Variants in IGHMBP2 observed in about 807,000 individuals in gnomAD.
The protein encoded by IGHMBP2 is DNA-binding protein SMUBP-2.
Under a neutral mutation model 96.0 loss-of-function variants are expected in IGHMBP2, and 81 were observed. The ratio of observed to expected loss-of-function variants is 0.84; its 90% confidence interval spans 0.71 to 1.01. The LOEUF (loss-of-function observed/expected upper bound fraction) is 1.01. IGHMBP2 is among the 50% of genes least tolerant of loss of function. The pLI is 0.00. For missense variants in IGHMBP2, 1,227 were observed against 1,306.3 expected (o/e 0.94, Z 0.94); for synonymous variants, 557 against 548.9 (o/e 1.01, Z -0.21).
chr11:68,906,244 TG>T lies in IGHMBP2; in HGVS notation c.256+7del, dbSNP rs1381688078. On this transcript the variant is annotated splice_region_variant and intron_variant, in intron 2 of 14. Coordinates refer to ENST00000255078, the MANE Select transcript of IGHMBP2 (RefSeq NM_002180.3). ...CAGTAACAGCTTTACTTCTGGTGTG[TG>T]CGTATTGACCTAGACAGACATTGAA... The T allele has an allele frequency of 6.2e-7, 1 of 1,613,826 alleles. No individual in the cohort carries two copies. The highest frequency in any genetic ancestry group is 2.2e-5 in the East Asian group (1 of 44,900).
chr11:68,915,639 C>T (rs1292096753), intron 6 of IGHMBP2, among the ~76,000 whole-genome samples: 1 of 151,818 alleles, frequency 6.6e-6, no homozygotes, highest in Non-Finnish European at 1.5e-5. Context: ...TGTGCCACCA[C>T]ACCCAACCAA....
At chr11:68,920,947 A>G (rs1368123975) in intron 7 of IGHMBP2, among the ~76,000 whole-genome samples, 2 of 151,980 alleles carry the variant, frequency 1.3e-5, no homozygotes, top group Non-Finnish European at 2.9e-5. Flanking sequence ...ACACCTGGCT[A>G]ATTTTAAAAA....
chr11:68,934,820 C>A (rs1483593787), intron 11 of IGHMBP2, among the ~76,000 whole-genome samples: 2 of 152,254 alleles, frequency 1.3e-5, no homozygotes, highest in African/African-American at 4.8e-5. Context: ...TGCTGGGTGA[C>A]CCCGGCAGCC....
At chr11:68,911,708 C>G in intron 5 of IGHMBP2, 105 bp downstream of exon 5, 1 of 1,039,156 alleles carries the variant, frequency 9.6e-7, no homozygotes, top group Non-Finnish European at 1.5e-6. Context: ...TGGGATGGGT[C>G]AGGAACATTA....
chr11:68,904,102 C>A, intron 1 of IGHMBP2, 64 bp downstream of exon 1: 1 of 1,315,816 alleles, frequency 7.6e-7, no homozygotes, highest in Non-Finnish European at 1.1e-6. Context: ...GCAGAGTCTC[C>A]GAGGGGCTCG....
rs61450832 is a variant in IGHMBP2, at chr11:68,909,196, G to A, written c.547+565G>A. Among the ~76,000 whole-genome samples the A allele has an allele frequency of 5.4e-4, 57 of 105,246 alleles. 1 individual carries two copies. The highest frequency in any genetic ancestry group is 1.4e-3 in the African/African-American group (43 of 29,700). 69.0% of individuals were successfully genotyped at this position (105,246 alleles called of 152,430 possible). On this transcript the variant is annotated intron_variant, in intron 4 of 14. Coordinates refer to ENST00000255078, the MANE Select transcript of IGHMBP2 (RefSeq NM_002180.3). ...TTTGGCGGGGGGGGTGGAGGGGGGG[G>A]GCGGATGGAGTCTCGCTCTGTCACC...
intron 7 of IGHMBP2, among the ~76,000 whole-genome samples, chr11:68,923,697 A>C (rs181085535): frequency 6.6e-6 from 1 of 151,978 alleles, no homozygotes; most frequent in Non-Finnish European, 1.5e-5. Flanking sequence ...TTTGAGTTTG[A>C]CTGGTGGGAT....
chr11:68,920,542 G>T (rs538532031), intron 7 of IGHMBP2, among the ~76,000 whole-genome samples: 1 of 152,360 alleles, frequency 6.6e-6, no homozygotes, highest in South Asian at 2.1e-4. Context: ...AGTTGCAGTG[G>T]TGCAATCATG....
chr11:68,917,918 C>T (rs374155757), intron 7 of IGHMBP2, 35 bp downstream of exon 7: 35 of 1,608,644 alleles, frequency 2.2e-5, no homozygotes, highest in African/African-American at 1.5e-4. Flanking sequence ...TGTGTGGCCT[C>T]GAAGAAGGAG....
At position 68,937,875 on chromosome 11, in the gene IGHMBP2, C is replaced by A. The variant is rs528342637; in HGVS notation, c.2612-307C>A. The A allele has an allele frequency of 1.7e-5, 7 of 413,630 alleles. No individual in the cohort carries two copies. In the East Asian group the frequency reaches 3.5e-4, roughly 21 times the overall value. 25.6% of individuals were successfully genotyped at this position (413,630 alleles called of 1,614,324 possible). A position where few individuals can be genotyped will look rare whatever the true frequency, so the allele number is the denominator to read the frequency against. On this transcript the variant is annotated intron_variant, in intron 13 of 14. Coordinates refer to ENST00000255078, the MANE Select transcript of IGHMBP2 (RefSeq NM_002180.3). ...TGTTGAGCAGCTACTGTATGCCACG[C>A]TTTGTGCTAGAGGACAGGACTGATG...
intron 5 of IGHMBP2, among the ~76,000 whole-genome samples, chr11:68,914,292 C>CA (rs35858423): frequency 0.52 from 70,181 of 135,964 alleles, 16,941 homozygotes; most frequent in Admixed American, 0.63. Flanking sequence ...CAATTTGTTT[C>CA]AAAAAAAAAA....
In IGHMBP2 at chr11:68,903,915, G is replaced by T. The variant is rs112779789; in HGVS notation, c.-38G>T. 2 of 1,601,266 alleles carry T rather than the reference G, an allele frequency of 1.2e-6. No individual in the cohort carries two copies. The highest frequency in any genetic ancestry group is 1.7e-6 in the Non-Finnish European group (2 of 1,173,254). ...TGTAACACCGGCCCGGCGCAGAAGC[G>T]GGACGTCGGCTTCTAGGGGCCCAGG... On this transcript the variant is annotated 5_prime_UTR_variant, in exon 1 of 15. Transcript: ENST00000255078.
At position 68,936,307 on chromosome 11, in the gene IGHMBP2, G is replaced by A. The variant is rs541245852; in HGVS notation, c.1827G>A (p.Ala609=). 1,380 of 1,614,166 alleles carry A rather than the reference G, an allele frequency of 8.5e-4. 18 individuals carry two copies. In the South Asian group the frequency reaches 0.014, roughly 16 times the overall value. ...TCACCCGTGCCCGACGCCACGTGGCGGTCATCTGTGACTCCCGTACTGTCA... is the reference window on the plus strand; with the variant it reads ...TCACCCGTGCCCGACGCCACGTGGCAGTCATCTGTGACTCCCGTACTGTCA... ...VAVTRARRHV[A]VICDSRTVNN... The change falls in exon 13 of 15, where the codon GCG becomes GCA. Residue 609 remains alanine (A), a synonymous_variant. Coordinates refer to ENST00000255078, the MANE Select transcript of IGHMBP2 (RefSeq NM_002180.3).
In IGHMBP2 at chr11:68,935,397, G is replaced by A; in HGVS notation, c.1731G>A (p.Leu577=). 1.2e-6 allele frequency: 2 copies of A among 1,614,134 alleles called. No individual in the cohort carries two copies. The highest frequency in any genetic ancestry group is 2.2e-5 in the South Asian group (2 of 91,086). ...GCCGAGAGAAGGAGGCCGTGATACT[G>A]TCCTTCGTCAGATCCAACAGGAAAG... is the stretch of plus-strand genomic sequence containing the variant. ...FQGREKEAVI[L]SFVRSNRKGE... The change falls in exon 12 of 15, where the codon CTG becomes CTA. Residue 577 remains leucine, a synonymous_variant. Transcript: ENST00000255078.
intron 1 of IGHMBP2, among the ~76,000 whole-genome samples, chr11:68,905,821 A>T (rs1291675026): frequency 1.3e-5 from 2 of 152,130 alleles, no homozygotes; most frequent in Non-Finnish European, 2.9e-5. Context: ...GACAGATGGG[A>T]GGAGAGAGGG....
chr11:68,919,470 T>A (rs1249581683), intron 7 of IGHMBP2, among the ~76,000 whole-genome samples: 3 of 152,252 alleles, frequency 2.0e-5, no homozygotes, highest in African/African-American at 7.2e-5. Flanking sequence ...TAGTTCCATG[T>A]GGTCAGAGGA....
chr11:68,917,622 G>GT, intron 6 of IGHMBP2, 114 bp from the exon 7 acceptor site: 1 of 872,512 alleles, frequency 1.1e-6, no homozygotes, highest in Non-Finnish European at 1.9e-6. Context: ...ATTTCTGAGT[G>GT]TTTTTTACGG....
intron 6 of IGHMBP2, among the ~76,000 whole-genome samples, chr11:68,915,470 ATGCCTGGCCTTTGTTTTTGTT>A (rs1858624727): frequency 6.8e-6 from 1 of 147,156 alleles, no homozygotes; most frequent in East Asian, 2.1e-4. Context: ...GTGAGCCACC[ATGCCTGGCCTTTGTTTTTGTT>A]TTTTTTTTTG....
At position 68,917,835 on chromosome 11, in the gene IGHMBP2, A is replaced by G; in HGVS notation, c.1012A>G (p.Met338Val). 1.9e-6 allele frequency: 3 copies of G among 1,614,140 alleles called. No individual in the cohort carries two copies. Among genetic ancestry groups the G allele is most frequent in the South Asian group, 2.2e-5 (2 of 91,088 alleles). The part of the protein sequence containing the change: ...KELKEREEAA[M>V]LESLTSANVV... ...ACTGAAGGAGAGGGAAGAAGCAGCT[A>G]TGCTCGAGAGCCTCACTTCGGCAAA... Residue 338 changes from methionine to valine, a missense_variant, in exon 7 of 15, where the codon ATG (methionine) becomes GTG (valine). Physicochemically the swap from Met to Val is conservative, Grantham distance 21. This residue lies in a region of IGHMBP2 where 507 missense variants were observed against 496.9 expected (regional missense o/e 1.02). Transcript: ENST00000255078.
Sources: gnomAD v4.1 joint callset for allele counts (sites outside exome capture counted in the v4.1 genomes callset) on GRCh38, gnomAD v4.1.1 for gene constraint, gnomAD v4.1.1 regional missense constraint, MANE v1.5 for transcripts, NCBI Gene and HGNC (gene_info 2026-07-23, HGNC 2026-07-21) for gene names.